Variants in NRG2 observed in about 807,000 individuals in gnomAD.
NRG2 encodes the protein pro-neuregulin-2, membrane-bound isoform.
A neutral mutation model predicts 73.9 loss-of-function variants in NRG2; 27 were observed. That is an observed-to-expected ratio of 0.37 (90% CI 0.27 to 0.50). NRG2 has a LOEUF of 0.50. NRG2 is among the 20% of genes least tolerant of loss of function. The probability of loss-of-function intolerance (pLI) is 0.96; values close to 1 mark genes in which losing one functional copy is unlikely to be tolerated. For synonymous variants in NRG2, 532 were observed against 541.0 expected (o/e 0.98, Z 0.23); for missense variants, 1,126 against 1,210.1 (o/e 0.93, Z 1.03).
chr5:139,854,955 C>G (rs1761713324), intron 6 of NRG2, among the ~76,000 whole-genome samples: 2 of 152,208 alleles, frequency 1.3e-5, no homozygotes, highest in Non-Finnish European at 1.5e-5. Context: ...TTTCCTGTCC[C>G]TGGCCCTTTG....
Position 140,003,232 on chromosome 5 carries a change from A to G in NRG2, c.700+39138T>C, listed in dbSNP as rs1289286589. On this transcript the variant is annotated intron_variant, in intron 1 of 9. Coordinates refer to ENST00000361474, the MANE Select transcript of NRG2 (RefSeq NM_004883.3). ...AATGCAAATAAAACAAGATGTAATT[A>G]TACAGAGATAGAAAGAGATGAAGAG... is the stretch of plus-strand genomic sequence containing the variant. 1.7e-4 allele frequency among the ~76,000 whole-genome samples: 26 copies of G among 152,240 alleles called. 2 individuals are homozygous for G. Among genetic ancestry groups the G allele is most frequent in the Admixed American group, 1.6e-3 (25 of 15,286 alleles).
At chr5:139,880,700 C>T (rs541678370) in intron 3 of NRG2, among the ~76,000 whole-genome samples, 156 bp downstream of exon 3, 3 of 152,126 alleles carry the variant, frequency 2.0e-5, no homozygotes, top group Non-Finnish European at 4.4e-5. Context: ...CTGCATTTCT[C>T]TGAATCGGCT....
intron 1 of NRG2, among the ~76,000 whole-genome samples, chr5:139,996,232 G>T (rs755947009): frequency 5.9e-5 from 9 of 152,094 alleles, no homozygotes; most frequent in Non-Finnish European, 1.0e-4. Flanking sequence ...ATAGTACTTT[G>T]GAACCTGATT....
chr5:139,853,077 G>A lies in NRG2; in HGVS notation c.1293-50C>T. 1.2e-6 allele frequency: 2 copies of A among 1,608,632 alleles called. No individual in the cohort carries two copies. The highest frequency in any genetic ancestry group is 1.7e-6 in the Non-Finnish European group (2 of 1,177,872). On this transcript the variant is annotated intron_variant, in intron 6 of 9. Coordinates refer to ENST00000361474, the MANE Select transcript of NRG2 (RefSeq NM_004883.3). This position sits in a 1 kb window ranked among gnomAD's most constrained non-coding sequence, Gnocchi z 4.1. ...GCTGGCATTCCCCCCACTCGCCAAC[G>A]ATGAACTTCCCTAGCTATCTCTCTA...
intron 1 of NRG2, among the ~76,000 whole-genome samples, chr5:139,977,208 C>A (rs189758021): frequency 6.3e-4 from 96 of 152,320 alleles, no homozygotes; most frequent in African/African-American, 2.2e-3. Context: ...ATGGAACTCT[C>A]TGGCTTATCT....
At chr5:139,891,850 T>C (rs1019299699) in intron 1 of NRG2, among the ~76,000 whole-genome samples, 7 of 152,244 alleles carry the variant, frequency 4.6e-5, no homozygotes, top group South Asian at 4.1e-4. Flanking sequence ...TTTATGTGCC[T>C]ACTAGAAATT....
chr5:139,898,728 G>A (rs1764703006), intron 1 of NRG2, among the ~76,000 whole-genome samples: 1 of 152,186 alleles, frequency 6.6e-6, no homozygotes, highest in African/African-American at 2.4e-5. Context: ...GTGCAGCTTG[G>A]ACTAGGTCAC....
chr5:139,872,513 T>C (rs1350863707), intron 3 of NRG2, among the ~76,000 whole-genome samples: 7 of 152,104 alleles, frequency 4.6e-5, no homozygotes, highest in Admixed American at 4.6e-4. Context: ...TCTCCATATC[T>C]CCCCACCCCA....
At chr5:140,038,572 A>G (rs917923118) in intron 1 of NRG2, among the ~76,000 whole-genome samples, 4 of 152,182 alleles carry the variant, frequency 2.6e-5, no homozygotes, top group African/African-American at 9.7e-5. Flanking sequence ...CAGGTCAGAG[A>G]GTTAAGATTG....
chr5:139,929,494 T>A (rs750105681), intron 1 of NRG2, among the ~76,000 whole-genome samples: 7 of 152,140 alleles, frequency 4.6e-5, no homozygotes, highest in Non-Finnish European at 8.8e-5. Context: ...ATCAGATGAA[T>A]GAAAATATAA....
chr5:139,935,808 A>G (rs1201288813), intron 1 of NRG2, among the ~76,000 whole-genome samples: 1 of 152,018 alleles, frequency 6.6e-6, no homozygotes, highest in African/African-American at 2.4e-5. Flanking sequence ...AAAAATACAA[A>G]AATTAGCCAG....
At chr5:139,977,995 A>G (rs1227887562) in intron 1 of NRG2, among the ~76,000 whole-genome samples, 1 of 152,246 alleles carries the variant, frequency 6.6e-6, no homozygotes, top group African/African-American at 2.4e-5. Context: ...AAAACCCTAG[A>G]AGAAAACCTA....
chr5:139,862,750 T>C (rs553946703), intron 5 of NRG2, among the ~76,000 whole-genome samples: 1 of 152,328 alleles, frequency 6.6e-6, no homozygotes, highest in South Asian at 2.1e-4. Context: ...GATTGTGTGT[T>C]TGTGCATGTA....
At chr5:139,872,021 A>C (rs994318357) in intron 3 of NRG2, among the ~76,000 whole-genome samples, 180 bp from the exon 4 acceptor site, 1 of 152,188 alleles carries the variant, frequency 6.6e-6, no homozygotes, top group African/African-American at 2.4e-5. Flanking sequence ...GGCCACCATG[A>C]GCTCTGCCCG....
intron 3 of NRG2, 54 bp downstream of exon 3, chr5:139,880,802 G>T: frequency 6.9e-7 from 1 of 1,439,740 alleles, no homozygotes; most frequent in Non-Finnish European, 9.7e-7. Context: ...GGGGGCCACT[G>T]GCCCGCCCTG....
At chr5:139,994,629 T>C (rs1290040222) in intron 1 of NRG2, among the ~76,000 whole-genome samples, 11 of 152,188 alleles carry the variant, frequency 7.2e-5, no homozygotes, top group Non-Finnish European at 2.9e-5. Context: ...AGATGGCAAA[T>C]TTTGTGTTGT....
chr5:140,042,216 A>G (rs1163269590), intron 1 of NRG2, among the ~76,000 whole-genome samples, 154 bp downstream of exon 1: 2 of 15,838 alleles, frequency 1.3e-4, no homozygotes, highest in African/African-American at 2.9e-4. Context: ...CCCCTCACCC[A>G]CCCGTGCCAG....
intron 1 of NRG2, among the ~76,000 whole-genome samples, chr5:140,022,151 TAC>T (rs1361836575): frequency 6.6e-6 from 1 of 152,208 alleles, no homozygotes; most frequent in African/African-American, 2.4e-5. Context: ...CTAGGCATTG[TAC>T]AGTGTGCTGG....
intron 1 of NRG2, among the ~76,000 whole-genome samples, chr5:139,986,624 G>A (rs190372832): frequency 4.3e-4 from 65 of 152,258 alleles, no homozygotes; most frequent in Non-Finnish European, 7.2e-4. Flanking sequence ...GAATATTTCT[G>A]GAGTAAACCA....
Sources: allele counts gnomAD v4.1 joint callset (sites outside exome capture counted in the v4.1 genomes callset), GRCh38; gene constraint gnomAD v4.1.1; non-coding constraint Gnocchi (gnomAD v3.1); transcripts MANE v1.5; gene names NCBI Gene and HGNC (gene_info 2026-07-23, HGNC 2026-07-21).